The following WDR4 variants were observed in gnomAD, a reference collection of about 807,000 sequenced individuals.
WDR4 encodes the protein tRNA (guanine-N(7)-)-methyltransferase non-catalytic subunit WDR4.
Under a neutral mutation model 48.6 loss-of-function variants are expected in WDR4, and 47 were observed. That is an observed-to-expected ratio of 0.97 (90% CI 0.77 to 1.23). The LOEUF is 1.23. WDR4 is among the 50% of genes most tolerant of loss of function. The pLI, the probability that WDR4 is intolerant of heterozygous loss-of-function variation, is 0.00. For missense variants in WDR4, 606 were observed against 551.6 expected, an observed-to-expected ratio of 1.10 and a Z score of -0.99; for synonymous variants, 268 against 230.0, an observed-to-expected ratio of 1.17 and a Z score of -1.49.
At chr21:42,854,337 C>T (rs1009908520) in intron 8 of WDR4, among the ~76,000 whole-genome samples, 9 of 152,198 alleles carry the variant, frequency 5.9e-5, no homozygotes, top group East Asian at 3.9e-4. Flanking sequence ...GTGCTCTTTA[C>T]GCCAGGGGAG....
Position 42,878,995 on chromosome 21 carries a change from G to C in WDR4, c.89+412C>G, listed in dbSNP as rs1023436869. 1.6e-5 allele frequency: 16 copies of C among 1,009,834 alleles called. No homozygotes were observed. In the African/African-American group the frequency reaches 2.7e-4, roughly 17 times the overall value. The allele number at this position is 1,009,834 out of a possible 1,614,324, so 62.6% of individuals were successfully genotyped here. A position where few individuals can be genotyped will look rare whatever the true frequency, so the allele number is the denominator to read the frequency against. On this transcript the variant is annotated intron_variant, in intron 1 of 10. Coordinates refer to ENST00000398208, the MANE Select transcript of WDR4 (RefSeq NM_018669.6). ...GAGTAAGCCCCTCCCTTCTCACCAG[G>C]GAGACCCGAGACCCGCTTCTTCCCA...
At chr21:42,847,807 G>A (rs1055210413), downstream of WDR4, among the ~76,000 whole-genome samples, 2 of 151,778 alleles carry the variant, frequency 1.3e-5, no homozygotes, top group African/African-American at 2.4e-5. Context: ...TGGGCAGGAT[G>A]CAGCGCATGG....
At chr21:42,847,147 G>A (rs1400126306), downstream of WDR4, among the ~76,000 whole-genome samples, 2 of 152,152 alleles carry the variant, frequency 1.3e-5, no homozygotes, top group African/African-American at 2.4e-5. Flanking sequence ...AAAAAATAAC[G>A]GAAGAGAGCA....
chr21:42,851,852 C>G (rs2057838616), intron 10 of WDR4, among the ~76,000 whole-genome samples: 1 of 152,216 alleles, frequency 6.6e-6, no homozygotes, highest in African/African-American at 2.4e-5. Flanking sequence ...ACTAAACCTC[C>G]CAGTGAGGCC....
chr21:42,846,042 G>A (rs1051271285), downstream of WDR4, among the ~76,000 whole-genome samples: 5 of 152,096 alleles, frequency 3.3e-5, no homozygotes, highest in African/African-American at 9.7e-5. Context: ...TGAGGTGGGA[G>A]GATCGCTTGA....
At chr21:42,846,861 A>C (rs929226046), downstream of WDR4, among the ~76,000 whole-genome samples, 4 of 152,126 alleles carry the variant, frequency 2.6e-5, no homozygotes, top group African/African-American at 7.2e-5. Context: ...ATCTCTACTA[A>C]AAATACAAAA....
chr21:42,865,779 C>T (rs1899310502), intron 3 of WDR4, among the ~76,000 whole-genome samples: 1 of 152,118 alleles, frequency 6.6e-6, no homozygotes, highest in African/African-American at 2.4e-5. Flanking sequence ...ACTCCCTCCA[C>T]AGTCACTGGG....
intron 7 of WDR4, 133 bp from the exon 8 acceptor site, chr21:42,854,759 C>A: frequency 1.3e-6 from 1 of 782,742 alleles, no homozygotes. Context: ...AGCACTGGAA[C>A]ATTCTGGAAT....
upstream of WDR4, among the ~76,000 whole-genome samples, chr21:42,881,052 C>T (rs1051118025): frequency 6.6e-6 from 1 of 152,040 alleles, no homozygotes; most frequent in Non-Finnish European, 1.5e-5. Flanking sequence ...ACTACAGGCG[C>T]CCGCCACCAC....
chr21:42,861,989 G>T (rs77931345), intron 5 of WDR4, among the ~76,000 whole-genome samples: 8,498 of 152,268 alleles, frequency 0.056, 349 homozygotes, highest in Non-Finnish European at 0.088. Context: ...CGGGCATGGT[G>T]CAGGGGTCTC....
chr21:42,889,909 T>A, the WDR4 span, among the ~76,000 whole-genome samples: 1 of 152,218 alleles, frequency 6.6e-6, no homozygotes, highest in East Asian at 1.9e-4. Flanking sequence ...TAGAACTTAT[T>A]ACTTGTGTTT....
At position 42,849,992 on chromosome 21, in the gene WDR4, G is replaced by T; in HGVS notation, c.*57C>A. ...TGAAGGGACATGCCAGGATGCAGGG[G>T]AACAAGTTAAAAAGCTTTTCCTAAT... On this transcript the variant is annotated 3_prime_UTR_variant, in exon 11 of 11. Transcript: ENST00000398208. The T allele has an allele frequency of 1.3e-6, 2 of 1,597,508 alleles. No homozygotes were observed. The highest frequency in any genetic ancestry group is 1.7e-6 in the Non-Finnish European group (2 of 1,172,928).
chr21:42,846,319 T>C (rs1277613991), downstream of WDR4, among the ~76,000 whole-genome samples: 2 of 152,162 alleles, frequency 1.3e-5, no homozygotes, highest in Non-Finnish European at 2.9e-5. Context: ...ACAAGGTGGA[T>C]GAGCCTCACA....
chr21:42,859,883 C>T (rs1386269912), intron 5 of WDR4, among the ~76,000 whole-genome samples, 161 bp from the exon 6 acceptor site: 1 of 152,120 alleles, frequency 6.6e-6, no homozygotes, highest in Non-Finnish European at 1.5e-5. Flanking sequence ...TTAACCCTAA[C>T]CTGGTTAGGG....
At chr21:42,859,851 C>G (rs2058076434) in intron 5 of WDR4, 129 bp from the exon 6 acceptor site, 2 of 941,704 alleles carry the variant, frequency 2.1e-6, no homozygotes, top group Admixed American at 2.3e-5. Context: ...CCAATAAAAA[C>G]AGCCAACATG....
chr21:42,846,218 T>C (rs2057710278), downstream of WDR4, among the ~76,000 whole-genome samples: 3 of 151,912 alleles, frequency 2.0e-5, no homozygotes, highest in African/African-American at 7.3e-5. Context: ...AAATGCCCAT[T>C]GATAATAGAA....
At chr21:42,848,325 G>A (rs1484415412), downstream of WDR4, among the ~76,000 whole-genome samples, 9 of 148,640 alleles carry the variant, frequency 6.1e-5, no homozygotes, top group Non-Finnish European at 1.2e-4. Context: ...TGCAGCGCAC[G>A]GTCACGCAGT....
intron 10 of WDR4, among the ~76,000 whole-genome samples, chr21:42,850,870 C>T (rs183944561): frequency 7.2e-5 from 11 of 152,328 alleles, no homozygotes; most frequent in African/African-American, 2.6e-4. Flanking sequence ...CAATGACTGA[C>T]CACAGGCACA....
In WDR4 at chr21:42,862,289, G is replaced by T; in HGVS notation, c.559C>A (p.His187Asn). Reference protein sequence around the residue: ...PHSIESFCLGHTEFVSRISVV... With the variant: ...PHSIESFCLGNTEFVSRISVV... ...GCAGGAAGGGGCACTCACTCTGTGT[G>T]CCCCAAGCAGAAGGACTCGATGCTA... is the stretch of plus-strand genomic sequence containing the variant. The change falls in exon 5 of 11, where the codon CAC (histidine) becomes AAC (asparagine). Residue 187 changes from histidine (H) to asparagine (N), a missense_variant. Transcript: ENST00000398208. This position sits in a 1 kb window ranked among gnomAD's most constrained non-coding sequence, Gnocchi z 4.3. 1 of 1,607,428 alleles carries T rather than the reference G, an allele frequency of 6.2e-7. No individual in the cohort carries two copies. Among genetic ancestry groups the T allele is most frequent in the Non-Finnish European group, 8.5e-7 (1 of 1,177,606 alleles).
Sources: allele counts gnomAD v4.1 joint callset (sites outside exome capture counted in the v4.1 genomes callset), GRCh38; gene constraint gnomAD v4.1.1; non-coding constraint Gnocchi (gnomAD v3.1); transcripts MANE v1.5; gene names NCBI Gene and HGNC (gene_info 2026-07-23, HGNC 2026-07-21).